The following ASAH1 variants were observed in gnomAD, a reference collection of about 807,000 sequenced individuals.
ASAH1 encodes the protein N-acylsphingosine amidohydrolase 1.
ASAH1 carries 70 observed loss-of-function variants against 59.5 expected under a neutral mutation model. That is an observed-to-expected ratio of 1.18 (90% confidence interval 0.97 to 1.43). The LOEUF is 1.43. ASAH1 is among the 40% of genes most tolerant of loss of function. The pLI is 0.00. For synonymous variants in ASAH1, 213 were observed against 166.5 expected (o/e 1.28, Z -2.15); for missense variants, 660 against 482.5 (o/e 1.37, Z -3.45).
intron 8 of ASAH1, 55 bp from the exon 9 acceptor site, chr8:18,061,795 C>G (rs1799713709): frequency 1.3e-6 from 2 of 1,488,452 alleles, no homozygotes; most frequent in Admixed American, 3.9e-5. Flanking sequence ...GCTTTAAGGC[C>G]CTGTCGCTCA....
chr8:18,060,730 T>A (rs139949641), intron 10 of ASAH1: 1 of 152,682 alleles, frequency 6.5e-6, no homozygotes, highest in East Asian at 1.9e-4. Context: ...CAGGTTAATA[T>A]GTAGTACATT....
intron 3 of ASAH1, among the ~76,000 whole-genome samples, chr8:18,070,580 G>A (rs1048758066): frequency 2.6e-5 from 4 of 152,326 alleles, no homozygotes; most frequent in African/African-American, 9.6e-5. Context: ...GAGCCACCGT[G>A]CCTGGCCTCG....
intron 2 of ASAH1, among the ~76,000 whole-genome samples, chr8:18,073,506 C>CATAT (rs1800262011): frequency 1.3e-5 from 2 of 152,320 alleles, no homozygotes; most frequent in South Asian, 4.1e-4. Flanking sequence ...ACAACACACA[C>CATAT]ATATACAAAT....
chr8:18,061,987 G>C (rs1365574125), intron 8 of ASAH1: 1 of 618,474 alleles, frequency 1.6e-6, no homozygotes, highest in Admixed American at 2.9e-5. Context: ...GAGAATGAAC[G>C]CCTGACTTGC....
chr8:18,059,765 T>A, intron 10 of ASAH1, 62 bp from the exon 11 acceptor site: 6 of 1,464,402 alleles, frequency 4.1e-6, no homozygotes, highest in Non-Finnish European at 4.6e-6. Flanking sequence ...AATAACTTCA[T>A]TTATTTTTAA....
chr8:18,058,854 G>A lies in ASAH1; in HGVS notation c.1079C>T (p.Thr360Ile), dbSNP rs371520705. The A allele has an allele frequency of 1.5e-5, 24 of 1,612,328 alleles. No individual in the cohort carries two copies. The highest frequency in any genetic ancestry group is 1.9e-5 in the Non-Finnish European group (22 of 1,178,502). Residue 360 changes from threonine (T) to isoleucine (I), a missense_variant, in exon 13 of 14, where the codon ACA becomes ATA. By Grantham distance (89) the Thr-to-Ile change is moderately conservative. Transcript: ENST00000637790. ...AAATACCTTGTTGAGGACAGGTTTT[G>A]TTGACAGGACATCATACATGGTTTC... is the stretch of plus-strand genomic sequence containing the variant. ...SFETMYDVLS[T>I]KPVLNKLTVY...
At chr8:18,063,469 A>AT in intron 6 of ASAH1, 1 of 354,068 alleles carries the variant, frequency 2.8e-6, no homozygotes, top group Non-Finnish European at 4.9e-6. Flanking sequence ...GCACCTGGCT[A>AT]CTTTTTTTTT....
At chr8:18,064,294 A>G (rs898495456) in intron 6 of ASAH1, 163 bp downstream of exon 6, 16 of 658,580 alleles carry the variant, frequency 2.4e-5, no homozygotes, top group Non-Finnish European at 3.2e-5. Flanking sequence ...AATAAGGAAA[A>G]TTTTCAGTAC....
chr8:18,062,572 TTC>T (rs1220788098), intron 7 of ASAH1, 149 bp from the exon 8 acceptor site: 117 of 849,830 alleles, frequency 1.4e-4, no homozygotes, highest in Non-Finnish European at 2.0e-4. Context: ...GGTATATTTA[TTC>T]TGTTTTCCAA....
At chr8:18,061,166 T>C in intron 10 of ASAH1, 1 of 458,326 alleles carries the variant, frequency 2.2e-6, no homozygotes, top group Admixed American at 3.4e-5. Flanking sequence ...TCAGTATCCC[T>C]AGTGCTTTTT....
At chr8:18,067,100 T>TTCACCTGTGCTGTATATCTAAGACATACA in intron 5 of ASAH1, 120 bp downstream of exon 5, 2 of 548,490 alleles carry the variant, frequency 3.6e-6, no homozygotes, top group African/African-American at 2.0e-5. Flanking sequence ...CTAAGACCTG[T>TTCACCTGTGCTGTATATCTAAGACATACA]GCACCTGTGC....
rs550001376 is a variant in ASAH1, at chr8:18,082,779, T to C, written c.78+1202A>G. ...GAACACTAAACCCAATTTGTTCAGCTTATGGTGTGTTCCTGGTGGTCTTTC... is the reference window on the plus strand; with the variant it reads ...GAACACTAAACCCAATTTGTTCAGCCTATGGTGTGTTCCTGGTGGTCTTTC... On this transcript the variant is annotated intron_variant, in intron 1 of 13. Transcript: ENST00000637790. Among the ~76,000 whole-genome samples, 13 of 152,288 alleles carry C rather than the reference T, an allele frequency of 8.5e-5. No individual in the cohort carries two copies. The East Asian group carries it at 2.1e-3, about 25-fold the overall frequency.
upstream of ASAH1, chr8:18,084,765 C>G: frequency 6.2e-7 from 1 of 1,613,626 alleles, no homozygotes; most frequent in Non-Finnish European, 8.5e-7. Flanking sequence ...CGGTGGGACC[C>G]GCGAGCTTTC....
At position 18,069,011 on chromosome 8, in the gene ASAH1, C is replaced by T. The variant is rs548511194; in HGVS notation, c.303+781G>A. On this transcript the variant is annotated intron_variant, in intron 4 of 13. Transcript: ENST00000637790. The stretch of plus-strand genomic sequence containing the variant: ...AGAAAAGTAGCTGGGTGTGGCGGCA[C>T]GTGACTGTAGTCCCAGCTACTCAGG... Among the ~76,000 whole-genome samples the T allele has an allele frequency of 2.6e-5, 4 of 152,004 alleles. No homozygotes were observed. The South Asian group carries it at 6.2e-4, about 24-fold the overall frequency.
intron 2 of ASAH1, among the ~76,000 whole-genome samples, chr8:18,072,950 T>G (rs1800233248): frequency 6.6e-6 from 1 of 152,140 alleles, no homozygotes; most frequent in African/African-American, 2.4e-5. Context: ...CTGATTCTTT[T>G]TCAGCCTAGA....
Position 18,059,419 on chromosome 8 carries a change from A to T in ASAH1, c.963T>A (p.Tyr321Ter). ...QGRWYVVQTN[Y>*]DRWKHPFFLD... Reference sequence around the variant, plus strand: ...GGAAGAAGGGATGTTTCCAACGGTCATAATTTGTTTGTACCACATACCATC... The same window carrying T: ...GGAAGAAGGGATGTTTCCAACGGTCTTAATTTGTTTGTACCACATACCATC... Residue 321 changes from tyrosine (Y) to a stop codon, truncating the protein, a stop_gained, in exon 12 of 14, where the codon TAT (tyrosine) becomes TAA (stop). Coordinates refer to ENST00000637790, the MANE Select transcript of ASAH1 (RefSeq NM_177924.5). LOFTEE classifies it high-confidence loss of function. The T allele has an allele frequency of 6.2e-7, 1 of 1,614,232 alleles. No individual in the cohort carries two copies. Among genetic ancestry groups the T allele is most frequent in the Non-Finnish European group, 8.5e-7 (1 of 1,180,044 alleles).
intron 1 of ASAH1, among the ~76,000 whole-genome samples, chr8:18,079,599 A>G (rs981364799): frequency 6.6e-6 from 1 of 152,188 alleles, no homozygotes; most frequent in Admixed American, 6.5e-5. Context: ...GTGAATTTTA[A>G]AAGTCCAGAA....
intron 1 of ASAH1, chr8:18,075,871 G>C (rs527334060): frequency 3.5e-5 from 16 of 458,680 alleles, no homozygotes; most frequent in Admixed American, 1.1e-4. Context: ...TAACAAAGTA[G>C]ATGGAAAATA....
intron 13 of ASAH1, chr8:18,057,948 C>T: frequency 6.0e-6 from 1 of 167,352 alleles, no homozygotes; most frequent in Non-Finnish European, 1.3e-5. Flanking sequence ...TGCTCCACCC[C>T]CAATGCTTTA....
Sources: allele counts gnomAD v4.1 joint callset (sites outside exome capture counted in the v4.1 genomes callset), GRCh38; gene constraint gnomAD v4.1.1; transcripts MANE v1.5; gene names NCBI Gene and HGNC (gene_info 2026-07-23, HGNC 2026-07-21).